PTBP3: variants seen among roughly 807,000 people sequenced by gnomAD.
PTBP3 encodes the protein polypyrimidine tract-binding protein 3.
PTBP3 carries 20 observed loss-of-function variants against 58.7 expected under a neutral mutation model. That is an observed-to-expected ratio of 0.34 (90% CI 0.24 to 0.50). PTBP3 has a LOEUF of 0.50. Ranked by LOEUF, PTBP3 falls within the 20% of genes least tolerant of loss-of-function variation. The probability of loss-of-function intolerance (pLI) is 0.98; values close to 1 mark genes in which losing one functional copy is unlikely to be tolerated. For synonymous variants in PTBP3, 185 were observed against 219.8 expected (o/e 0.84, Z 1.40); for missense variants, 509 against 637.2 (o/e 0.80, Z 2.17).
chr9:112,233,703 G>A (rs1054037638), intron 8 of PTBP3, among the ~76,000 whole-genome samples: 1 of 152,082 alleles, frequency 6.6e-6, no homozygotes, highest in African/African-American at 2.4e-5. Flanking sequence ...GGCTGAGGCA[G>A]GCTAATCGCT....
chr9:112,232,287 G>GT (rs1564392435), intron 8 of PTBP3, 49 bp from the exon 9 acceptor site: 3 of 1,455,928 alleles, frequency 2.1e-6, no homozygotes, highest in Non-Finnish European at 1.9e-6. Context: ...TTGAAGAACT[G>GT]TAACACTTGA....
chr9:112,232,333 CAGAA>C, intron 8 of PTBP3, 95 bp from the exon 9 acceptor site: 2 of 1,261,058 alleles, frequency 1.6e-6, no homozygotes. Context: ...AGGAAAACTA[CAGAA>C]AGAAAATGTG....
At chr9:112,307,006 C>T (rs1380323529) in intron 1 of PTBP3, among the ~76,000 whole-genome samples, 1 of 152,122 alleles carries the variant, frequency 6.6e-6, no homozygotes, top group Non-Finnish European at 1.5e-5. Flanking sequence ...TTTGATAATT[C>T]TACTTCAATT....
At chr9:112,313,899 T>C (rs1008492718) in intron 1 of PTBP3, among the ~76,000 whole-genome samples, 3 of 152,212 alleles carry the variant, frequency 2.0e-5, no homozygotes, top group Admixed American at 6.5e-5. Context: ...AATTCATCCA[T>C]GGATGAACCA....
chr9:112,228,637 T>TTAC (rs1835084364), intron 10 of PTBP3, among the ~76,000 whole-genome samples, 165 bp from the exon 11 acceptor site: 1 of 152,226 alleles, frequency 6.6e-6, no homozygotes, highest in Admixed American at 6.5e-5. Context: ...ATTCATGTAC[T>TTAC]TACTCTTTTT....
intron 2 of PTBP3, among the ~76,000 whole-genome samples, chr9:112,295,058 G>A (rs1050031806): frequency 2.0e-5 from 3 of 152,078 alleles, no homozygotes; most frequent in Non-Finnish European, 4.4e-5. Flanking sequence ...TGGCCAACAT[G>A]GTGAAACCCT....
chr9:112,292,822 C>A (rs903425368), intron 2 of PTBP3, among the ~76,000 whole-genome samples: 14 of 152,154 alleles, frequency 9.2e-5, no homozygotes, highest in African/African-American at 3.1e-4. Context: ...TGAAAAACTT[C>A]TAGCGATCTG....
rs200962313 is a variant in PTBP3, at chr9:112,231,364, G to A, written c.1054+16C>T. ...CACACCTGTAGACAATAATAAAATA[G>A]CAAAAATGAACTTACCAAATAGGAT... On this transcript the variant is annotated intron_variant, in intron 10 of 13. Coordinates refer to ENST00000374257, the MANE Select transcript of PTBP3 (RefSeq NM_001163788.4). 2.1e-5 allele frequency: 33 copies of A among 1,570,472 alleles called. No individual in the cohort carries two copies. Among genetic ancestry groups the A allele is most frequent in the Admixed American group, 1.8e-5 (1 of 56,260 alleles).
intron 3 of PTBP3, among the ~76,000 whole-genome samples, chr9:112,272,404 C>T (rs1273873053): frequency 6.6e-6 from 1 of 152,172 alleles, no homozygotes; most frequent in Non-Finnish European, 1.5e-5. Context: ...AAACTATAGA[C>T]ATTAACCGTT....
intron 1 of PTBP3, among the ~76,000 whole-genome samples, chr9:112,322,720 G>C (rs1830003544): frequency 6.6e-6 from 1 of 152,226 alleles, no homozygotes; most frequent in Admixed American, 6.5e-5. Flanking sequence ...ATCAGGACCA[G>C]ATTCAAACAG....
intron 3 of PTBP3, among the ~76,000 whole-genome samples, chr9:112,268,776 T>C (rs1032191198): frequency 6.6e-6 from 1 of 151,942 alleles, no homozygotes; most frequent in African/African-American, 2.4e-5. Flanking sequence ...TATGCAGTTT[T>C]CGGTTTTCCT....
intron 2 of PTBP3, among the ~76,000 whole-genome samples, chr9:112,293,508 T>A (rs141270698): frequency 6.6e-6 from 1 of 152,226 alleles, no homozygotes; most frequent in Non-Finnish European, 1.5e-5. Context: ...TGTAAAGTAA[T>A]AGAACTCCCT....
chr9:112,231,966 AGAG>A (rs1454242141), intron 9 of PTBP3, 130 bp downstream of exon 9: 3,578 of 180,972 alleles, frequency 0.02, 74 homozygotes, highest in Admixed American at 0.098. Context: ...AGAGAAGAGA[AGAG>A]AGAAGAGAAG....
intron 10 of PTBP3, among the ~76,000 whole-genome samples, chr9:112,230,962 C>CTGTAGACAATAATAAAA (rs1564390225): frequency 2.6e-5 from 4 of 151,114 alleles, no homozygotes; most frequent in African/African-American, 7.4e-5. Flanking sequence ...GATTTTGACC[C>CTGTAGACAATAATAAAA]TACGCAGCTG....
intron 1 of PTBP3, among the ~76,000 whole-genome samples, chr9:112,310,706 G>A (rs1192337723): frequency 6.6e-6 from 1 of 152,174 alleles, no homozygotes; most frequent in East Asian, 1.9e-4. Flanking sequence ...TAAAAAGTAG[G>A]AGAAAAAGCA....
intron 1 of PTBP3, among the ~76,000 whole-genome samples, chr9:112,320,584 A>G (rs1365267282): frequency 6.6e-6 from 1 of 151,304 alleles, no homozygotes; most frequent in African/African-American, 2.4e-5. Flanking sequence ...TGAAAATCAA[A>G]TGATCTAGAA....
chr9:112,333,029 C>T, intron 1 of PTBP3: 4 of 1,274,634 alleles, frequency 3.1e-6, no homozygotes, highest in Non-Finnish European at 4.0e-6. Flanking sequence ...CCCACCTCGC[C>T]GGTAAACAGC....
upstream of PTBP3, among the ~76,000 whole-genome samples, chr9:112,333,890 G>T (rs1236919438): frequency 1.3e-5 from 2 of 148,508 alleles, no homozygotes; most frequent in Non-Finnish European, 3.0e-5. Context: ...TCCCTCCTGC[G>T]TTCGCGGGAG....
At chr9:112,331,239 A>T (rs1830363055) in intron 1 of PTBP3, among the ~76,000 whole-genome samples, 1 of 152,086 alleles carries the variant, frequency 6.6e-6, no homozygotes, top group African/African-American at 2.4e-5. Flanking sequence ...GCTGTTGGAA[A>T]ATGTAGAAAT....
Sources: gnomAD v4.1 joint callset for allele counts (sites outside exome capture counted in the v4.1 genomes callset) on GRCh38, gnomAD v4.1.1 for gene constraint, MANE v1.5 for transcripts, NCBI Gene and HGNC (gene_info 2026-07-23, HGNC 2026-07-21) for gene names.